Variants in PRKN observed in about 807,000 individuals in gnomAD.
PRKN encodes the protein parkin RBR E3 ubiquitin protein ligase.
Under a neutral mutation model 59.5 loss-of-function variants are expected in PRKN, and 56 were observed. The observed-to-expected ratio is 0.94, with a 90% CI of 0.76 to 1.18. The LOEUF is 1.18. Among genes scored for constraint, PRKN ranks in the 50% most tolerant of loss-of-function variants. The pLI is 0.00. For missense variants in PRKN, 657 were observed against 596.4 expected, an observed-to-expected ratio of 1.10 and a Z score of -1.06; for synonymous variants, 250 against 222.1, an observed-to-expected ratio of 1.13 and a Z score of -1.12.
rs1003099630 is a variant in PRKN, at chr6:161,628,333, C to A, written c.872-58917G>T. 4.6e-5 allele frequency among the ~76,000 whole-genome samples: 7 copies of A among 152,172 alleles called. No homozygotes were observed. The East Asian group carries it at 1.4e-3, about 29-fold the overall frequency. Reference sequence around the variant, plus strand: ...AGTCTGGAGGTTGCAAGGCCAAGATCAAGGTGATGGTGGAGTCTGTGTCTG... The same window carrying A: ...AGTCTGGAGGTTGCAAGGCCAAGATAAAGGTGATGGTGGAGTCTGTGTCTG... On this transcript the variant is annotated intron_variant, in intron 7 of 11. Transcript: ENST00000366898.
chr6:162,345,748 T>C lies in PRKN; in HGVS notation c.172-82983A>G, dbSNP rs534011683. Among the ~76,000 whole-genome samples, 6 of 152,342 alleles carry C rather than the reference T, an allele frequency of 3.9e-5. No homozygotes were observed. In the South Asian group the frequency reaches 1.2e-3, roughly 32 times the overall value. On this transcript the variant is annotated intron_variant, in intron 2 of 11. Transcript: ENST00000366898. ...TTCTCTTATGAATTTATATGACTTA[T>C]CGTTATATTCTTTTGAGCTTTGTAG... is the stretch of plus-strand genomic sequence containing the variant.
At chr6:162,487,946 TGG>T (rs1353184768) in intron 1 of PRKN, among the ~76,000 whole-genome samples, 1 of 151,184 alleles carries the variant, frequency 6.6e-6, no homozygotes, top group Non-Finnish European at 1.5e-5. Context: ...ATTAAAATAA[TGG>T]GTATTTTAAC....
intron 2 of PRKN, among the ~76,000 whole-genome samples, chr6:162,352,516 C>T (rs562206750): frequency 3.3e-5 from 5 of 152,182 alleles, no homozygotes; most frequent in Admixed American, 6.6e-5. Context: ...AGTGTGACTG[C>T]GCATCCTGGG....
Position 161,703,476 on chromosome 6 carries a change from C to T in PRKN, c.871+82296G>A, listed in dbSNP as rs534235591. On this transcript the variant is annotated intron_variant, in intron 7 of 11. Transcript: ENST00000366898. ...AATGGATAAAATAAAGGCCAGATAACACCAGGGCTGGCAAAGATGCAGAGC... is the reference window on the plus strand; with the variant it reads ...AATGGATAAAATAAAGGCCAGATAATACCAGGGCTGGCAAAGATGCAGAGC... 3.9e-5 allele frequency among the ~76,000 whole-genome samples: 6 copies of T among 152,304 alleles called. No individual in the cohort carries two copies. In the East Asian group the frequency reaches 1.2e-3, roughly 29 times the overall value.
At chr6:161,381,109 A>G (rs569706662) in intron 10 of PRKN, among the ~76,000 whole-genome samples, 1 of 152,376 alleles carries the variant, frequency 6.6e-6, no homozygotes, top group Non-Finnish European at 1.5e-5. Context: ...AAATATTGAC[A>G]GGTCCATGAA....
intron 7 of PRKN, among the ~76,000 whole-genome samples, chr6:161,613,184 C>G (rs1782551560): frequency 6.6e-6 from 1 of 152,022 alleles, no homozygotes; most frequent in Non-Finnish European, 1.5e-5. Context: ...TGGAGGAAGT[C>G]AATTTCATCC....
chr6:162,002,477 G>C (rs954538799), intron 5 of PRKN, among the ~76,000 whole-genome samples: 1 of 151,964 alleles, frequency 6.6e-6, no homozygotes, highest in Non-Finnish European at 1.5e-5. Context: ...CATTGTTCAT[G>C]AGATCTATTG....
At chr6:161,913,011 T>C (rs1270995600) in intron 6 of PRKN, among the ~76,000 whole-genome samples, 1 of 151,814 alleles carries the variant, frequency 6.6e-6, no homozygotes, top group Non-Finnish European at 1.5e-5. Context: ...ACCCCATCTC[T>C]ACTAAAAATA....
At chr6:161,970,959 G>A (rs1780783779) in intron 6 of PRKN, among the ~76,000 whole-genome samples, 1 of 152,142 alleles carries the variant, frequency 6.6e-6, no homozygotes, top group South Asian at 2.1e-4. Flanking sequence ...CGCTCATAAT[G>A]TCCTTACACG....
intron 1 of PRKN, among the ~76,000 whole-genome samples, chr6:162,578,152 A>G (rs958763213): frequency 6.6e-6 from 1 of 152,156 alleles, no homozygotes; most frequent in Non-Finnish European, 1.5e-5. Context: ...TATTTGGACA[A>G]ATTAAAATAA....
At chr6:162,435,701 C>G (rs1189590153) in intron 2 of PRKN, among the ~76,000 whole-genome samples, 2 of 152,094 alleles carry the variant, frequency 1.3e-5, no homozygotes, top group African/African-American at 4.8e-5. Flanking sequence ...TAAAGGAGGC[C>G]AGCAGTAAGT....
At position 161,592,795 on chromosome 6, in the gene PRKN, G is replaced by A. The variant is rs1300958177; in HGVS notation, c.872-23379C>T. On this transcript the variant is annotated intron_variant, in intron 7 of 11. Coordinates refer to ENST00000366898, the MANE Select transcript of PRKN (RefSeq NM_004562.3). This position sits in a 1 kb window ranked among gnomAD's most constrained non-coding sequence, Gnocchi z 4.8. Reference sequence around the variant, plus strand: ...ACACAAGCAGAGCAGACAGGTCTGCGGGCCAGGGTGCCGCCAGGATAGGAG... The same window carrying A: ...ACACAAGCAGAGCAGACAGGTCTGCAGGCCAGGGTGCCGCCAGGATAGGAG... Among the ~76,000 whole-genome samples, 21 of 152,096 alleles carry A rather than the reference G, an allele frequency of 1.4e-4. No homozygotes were observed. Among genetic ancestry groups the A allele is most frequent in the African/African-American group, 4.8e-4 (20 of 41,438 alleles).
At chr6:162,481,337 T>C (rs1331996301) in intron 1 of PRKN, among the ~76,000 whole-genome samples, 2 of 152,196 alleles carry the variant, frequency 1.3e-5, no homozygotes, top group African/African-American at 2.4e-5. Context: ...TTAAGTCTCT[T>C]CAAAATCTGT....
chr6:161,404,838 C>A (rs1787191080), intron 9 of PRKN, among the ~76,000 whole-genome samples: 1 of 152,162 alleles, frequency 6.6e-6, no homozygotes, highest in South Asian at 2.1e-4. Context: ...TTTATTGCTA[C>A]AGAGAACCTG....
chr6:162,011,228 A>G (rs796695614), intron 5 of PRKN, among the ~76,000 whole-genome samples: 78 of 34,054 alleles, frequency 2.3e-3, no homozygotes, highest in East Asian at 4.1e-3. Context: ...ATATATTTAT[A>G]ATATATAATT....
Position 161,498,254 on chromosome 6 carries a change from TATTA to T in PRKN, c.1083+50596_1083+50599del, listed in dbSNP as rs914616675. ...CAAATCAGTATCATGTTATAGAGTGTATTAATTAATAAATGGAATATTTAGCTTT... is the reference window on the plus strand; with the variant it reads ...CAAATCAGTATCATGTTATAGAGTGTATTAATAAATGGAATATTTAGCTTT... On this transcript the variant is annotated intron_variant, in intron 9 of 11. Coordinates refer to ENST00000366898, the MANE Select transcript of PRKN (RefSeq NM_004562.3). The surrounding 1 kb of genome is among the most constrained non-coding windows in gnomAD (Gnocchi z 4.2). Among the ~76,000 whole-genome samples the T allele has an allele frequency of 3.3e-5, 5 of 152,228 alleles. No individual in the cohort carries two copies. The highest frequency in any genetic ancestry group is 7.2e-5 in the African/African-American group (3 of 41,460).
chr6:162,600,701 C>T (rs1360958168), intron 1 of PRKN, among the ~76,000 whole-genome samples: 1 of 152,094 alleles, frequency 6.6e-6, no homozygotes, highest in Non-Finnish European at 1.5e-5. Context: ...GTGTTGTTCT[C>T]ATGACAGTGA....
intron 1 of PRKN, among the ~76,000 whole-genome samples, chr6:162,512,089 G>C (rs1294075037): frequency 7.1e-6 from 1 of 139,882 alleles, no homozygotes; most frequent in African/African-American, 2.4e-5. Context: ...GTGTGTAAAT[G>C]GATTAGGATT....
chr6:161,637,603 G>A (rs912596558), intron 7 of PRKN, among the ~76,000 whole-genome samples: 3 of 151,772 alleles, frequency 2.0e-5, no homozygotes, highest in South Asian at 2.1e-4. Context: ...TCTCCTCTGC[G>A]TTCCCAGGCC....
Sources: gnomAD v4.1 joint callset for allele counts (sites outside exome capture counted in the v4.1 genomes callset) on GRCh38, gnomAD v4.1.1 for gene constraint, Gnocchi (gnomAD v3.1) non-coding constraint, MANE v1.5 for transcripts, NCBI Gene and HGNC (gene_info 2026-07-23, HGNC 2026-07-21) for gene names.